APP: variants seen among roughly 807,000 people sequenced by gnomAD.
The protein encoded by APP is amyloid-beta precursor protein.
In APP, 31 loss-of-function variants were observed where a neutral mutation model predicts 101.4. That is an observed-to-expected ratio of 0.31 (90% CI 0.23 to 0.41). The LOEUF is 0.41. Among genes scored for constraint, APP ranks in the 10% least tolerant of loss-of-function variants. The probability of loss-of-function intolerance (pLI) is 1.00; values close to 1 mark genes in which losing one functional copy is unlikely to be tolerated. For synonymous variants in APP, 366 were observed against 364.4 expected, an observed-to-expected ratio of 1.00 and a Z score of -0.05; for missense variants, 839 against 1,003.7, an observed-to-expected ratio of 0.84 and a Z score of 2.22.
chr21:26,001,798 C>G (rs1478576139), intron 6 of APP, among the ~76,000 whole-genome samples: 3 of 40,114 alleles, frequency 7.5e-5, no homozygotes, highest in African/African-American at 3.1e-4. Flanking sequence ...TGCCACTGGT[C>G]CTTCAACAGA....
At chr21:25,942,306 A>G (rs1173987052) in intron 13 of APP, 3 of 152,202 alleles carry the variant, frequency 2.0e-5, no homozygotes, top group African/African-American at 7.2e-5. Flanking sequence ...ATCACTGGAC[A>G]CAGAGACACT....
chr21:26,076,789 C>A (rs924664576), intron 3 of APP, among the ~76,000 whole-genome samples: 1 of 152,096 alleles, frequency 6.6e-6, no homozygotes, highest in African/African-American at 2.4e-5. Flanking sequence ...TTAGGCTGGG[C>A]GCAGTGGCTC....
chr21:26,004,128 A>G (rs1332320854), intron 6 of APP, among the ~76,000 whole-genome samples: 1 of 152,218 alleles, frequency 6.6e-6, no homozygotes, highest in Non-Finnish European at 1.5e-5. Flanking sequence ...GAATAAGCAC[A>G]CAAGAAATGG....
chr21:25,950,720 C>T (rs376125341), intron 13 of APP, among the ~76,000 whole-genome samples: 84 of 151,918 alleles, frequency 5.5e-4, no homozygotes, highest in African/African-American at 1.8e-3. Flanking sequence ...TGGGAGGGGG[C>T]CAATGTGAGA....
intron 4 of APP, among the ~76,000 whole-genome samples, chr21:26,051,750 G>A (rs1202038750): frequency 6.6e-6 from 1 of 152,184 alleles, no homozygotes; most frequent in Non-Finnish European, 1.5e-5. Flanking sequence ...CTCCTTGAAT[G>A]TCTTTTTGCT....
intron 14 of APP, among the ~76,000 whole-genome samples, chr21:25,907,897 C>G (rs1250953784): frequency 6.6e-6 from 1 of 152,182 alleles, no homozygotes; most frequent in South Asian, 2.1e-4. Context: ...CTCTATAAAG[C>G]TAGTTAAAAA....
chr21:26,052,778 T>C (rs1018973132), intron 4 of APP, among the ~76,000 whole-genome samples: 1 of 152,334 alleles, frequency 6.6e-6, no homozygotes, highest in Non-Finnish European at 1.5e-5. Flanking sequence ...GGGAAAAGGC[T>C]AAATTATTAA....
chr21:25,896,361 G>A (rs1188952724), intron 16 of APP, among the ~76,000 whole-genome samples: 5 of 151,948 alleles, frequency 3.3e-5, no homozygotes, highest in Non-Finnish European at 7.4e-5. Flanking sequence ...TTAATACTAG[G>A]ATTTATCAAC....
At chr21:25,889,903 AAAC>A (rs577224153) in intron 17 of APP, among the ~76,000 whole-genome samples, 112 of 152,302 alleles carry the variant, frequency 7.4e-4, no homozygotes, top group African/African-American at 2.5e-3. Context: ...AAAAAAACCA[AAAC>A]AACAACAGCA....
intron 11 of APP, among the ~76,000 whole-genome samples, chr21:25,964,192 C>T (rs554503226): frequency 2.0e-5 from 3 of 152,250 alleles, no homozygotes; most frequent in Middle Eastern, 3.4e-3. Flanking sequence ...CTGAACATGA[C>T]GCAGGAGCAT....
At chr21:25,904,268 C>T (rs1002635603) in intron 15 of APP, among the ~76,000 whole-genome samples, 20 of 152,136 alleles carry the variant, frequency 1.3e-4, no homozygotes, top group African/African-American at 4.1e-4. Context: ...ATAGAGTAGA[C>T]ACCAGGCACA....
intron 5 of APP, among the ~76,000 whole-genome samples, chr21:26,032,249 G>A (rs538874497): frequency 6.6e-6 from 1 of 152,246 alleles, no homozygotes; most frequent in African/African-American, 2.4e-5. Flanking sequence ...GTTGGCATCT[G>A]AGAAATCTGT....
At chr21:26,118,426 A>T (rs572948610) in intron 1 of APP, among the ~76,000 whole-genome samples, 1 of 152,346 alleles carries the variant, frequency 6.6e-6, no homozygotes, top group Non-Finnish European at 1.5e-5. Context: ...TTAACTTCAT[A>T]TATATACATA....
chr21:26,050,519 C>A (rs574976230), intron 5 of APP, among the ~76,000 whole-genome samples: 1 of 152,046 alleles, frequency 6.6e-6, no homozygotes. Context: ...TTTATTAATG[C>A]CTTTGACTTC....
At chr21:26,126,269 T>C (rs2062682420) in intron 1 of APP, among the ~76,000 whole-genome samples, 1 of 152,216 alleles carries the variant, frequency 6.6e-6, no homozygotes, top group African/African-American at 2.4e-5. Context: ...GAATTTTAGG[T>C]AATTAGAATA....
intron 17 of APP, 84 bp from the exon 18 acceptor site, chr21:25,881,855 G>T (rs1601245733): frequency 7.5e-7 from 1 of 1,334,814 alleles, no homozygotes; most frequent in Non-Finnish European, 1.1e-6. Flanking sequence ...AAGATAAGGA[G>T]TACAGTACTC....
chr21:25,940,507 A>T (rs763599467), intron 13 of APP, among the ~76,000 whole-genome samples: 1 of 152,218 alleles, frequency 6.6e-6, no homozygotes, highest in South Asian at 2.1e-4. Flanking sequence ...CATAATTTTT[A>T]AAAAATTACA....
intron 3 of APP, among the ~76,000 whole-genome samples, chr21:26,063,374 C>G (rs948001869): frequency 1.3e-5 from 2 of 152,112 alleles, no homozygotes; most frequent in East Asian, 3.8e-4. Context: ...CAAAGAAACT[C>G]CAGTGGCAAC....
intron 11 of APP, among the ~76,000 whole-genome samples, chr21:25,962,876 C>T (rs2041639386): frequency 6.6e-6 from 1 of 152,136 alleles, no homozygotes; most frequent in Non-Finnish European, 1.5e-5. Flanking sequence ...GGTGCACCTC[C>T]ACCTCAACTC....
Sources: allele counts gnomAD v4.1 joint callset (sites outside exome capture counted in the v4.1 genomes callset), GRCh38; gene constraint gnomAD v4.1.1; transcripts MANE v1.5; gene names NCBI Gene and HGNC (gene_info 2026-07-23, HGNC 2026-07-21).